PIEZO1: variants seen among roughly 807,000 people sequenced by gnomAD.
The protein encoded by PIEZO1 is piezo-type mechanosensitive ion channel component 1.
Under a neutral mutation model 297.2 loss-of-function variants are expected in PIEZO1, and 296 were observed. The ratio of observed to expected loss-of-function variants is 1.00; its 90% confidence interval spans 0.91 to 1.10. The LOEUF (loss-of-function observed/expected upper bound fraction) is 1.10. Ranked by LOEUF, PIEZO1 falls within the 50% of genes least tolerant of loss-of-function variation. PIEZO1 has a pLI of 0.00. For synonymous variants in PIEZO1, 2,427 were observed against 1,507.5 expected (o/e 1.61, Z -14.13); for missense variants, 5,018 against 3,455.5 (o/e 1.45, Z -11.34).
chr16:88,777,266 C>T (rs572124005), intron 1 of PIEZO1, among the ~76,000 whole-genome samples: 5 of 152,248 alleles, frequency 3.3e-5, no homozygotes, highest in Admixed American at 1.3e-4. Flanking sequence ...CCACCATGCC[C>T]GGAGGACCTG....
intron 1 of PIEZO1, among the ~76,000 whole-genome samples, chr16:88,767,332 CA>C (rs1907223621): frequency 6.6e-6 from 1 of 152,188 alleles, no homozygotes; most frequent in South Asian, 2.1e-4. Flanking sequence ...GGAAGGAGGT[CA>C]GGGGGCTGTG....
intron 1 of PIEZO1, among the ~76,000 whole-genome samples, chr16:88,780,243 C>CCA (rs1369053949): frequency 6.6e-6 from 1 of 152,210 alleles, no homozygotes; most frequent in Non-Finnish European, 1.5e-5. Context: ...CCCTTCCCAC[C>CCA]AGTGTGATCT....
At chr16:88,767,898 C>T (rs1381328816) in intron 1 of PIEZO1, among the ~76,000 whole-genome samples, 1 of 152,208 alleles carries the variant, frequency 6.6e-6, no homozygotes, top group African/African-American at 2.4e-5. Context: ...ACACAACCCC[C>T]AAGCCCTCGC....
rs1351317159 is a variant in PIEZO1 at position 88,721,908 on chromosome 16, G to A, written c.5114C>T (p.Ala1705Val). 2 of 1,550,190 alleles carry A rather than the reference G, an allele frequency of 1.3e-6. No homozygotes were observed. Among genetic ancestry groups the A allele is most frequent in the Non-Finnish European group, 8.7e-7 (1 of 1,146,824 alleles). Residue 1705 changes from alanine (A) to valine (V), a missense_variant, in exon 37 of 51, where the codon GCC becomes GTC. By Grantham distance (64) the Ala-to-Val change is moderately conservative (BLOSUM62 0). Transcript: ENST00000301015. Reference sequence around the variant, plus strand: ...GAGCACGGGCAGCACCAGCGAGCCGGCGGAGGCCGTGACCATGTGGTTGAG... The same window carrying A: ...GAGCACGGGCAGCACCAGCGAGCCGACGGAGGCCGTGACCATGTGGTTGAG... The part of the protein sequence containing the change: ...IILNHMVTAS[A>V]GSLVLPVLVF...
chr16:88,717,265 C>G (rs1430885006), intron 44 of PIEZO1, 54 bp from the exon 45 acceptor site: 2 of 1,463,552 alleles, frequency 1.4e-6, no homozygotes, highest in South Asian at 2.4e-5. Context: ...CTGCGGGTCA[C>G]ACAACCGCAT....
rs141646073 is a variant in PIEZO1 at position 88,780,643 on chromosome 16, A to T, written c.64+4258T>A. Among the ~76,000 whole-genome samples the T allele has an allele frequency of 3.4e-3, 512 of 152,344 alleles. 4 individuals are homozygous for T. The highest frequency in any genetic ancestry group is 0.012 in the African/African-American group (488 of 41,584). Reference sequence around the variant, plus strand: ...ACTTGCTTTTGGAACCAGAAGAAAAAGCTTATATAAACAAAGAAGCAAAAG... The same window carrying T: ...ACTTGCTTTTGGAACCAGAAGAAAATGCTTATATAAACAAAGAAGCAAAAG... On this transcript the variant is annotated intron_variant, in intron 1 of 50. Transcript: ENST00000301015.
At position 88,738,567 on chromosome 16, in the gene PIEZO1, C is replaced by T; in HGVS notation, c.634+1G>A. ...CCAGTGCCCCCTGCCTCGGTGCGTACCTGCCAGTGCAAGCAGTGTTACGGC... is the reference window on the plus strand; with the variant it reads ...CCAGTGCCCCCTGCCTCGGTGCGTATCTGCCAGTGCAAGCAGTGTTACGGC... On this transcript the variant is annotated splice_donor_variant, in intron 6 of 50. Coordinates refer to ENST00000301015, the MANE Select transcript of PIEZO1 (RefSeq NM_001142864.4). LOFTEE classifies it high-confidence loss of function. The T allele has an allele frequency of 6.5e-7, 1 of 1,534,842 alleles. No homozygotes were observed. The highest frequency in any genetic ancestry group is 8.7e-7 in the Non-Finnish European group (1 of 1,146,164).
Position 88,726,430 on chromosome 16 carries a change from C to T in PIEZO1, c.3822G>A (p.Gln1274=). 1 of 1,550,472 alleles carries T rather than the reference C, an allele frequency of 6.4e-7. No individual in the cohort carries two copies. The highest frequency in any genetic ancestry group is 8.7e-7 in the Non-Finnish European group (1 of 1,146,916). ...YDPKEMMDRD[Q]DCLLPVEEAG... is the part of the protein sequence containing the mutation. Reference sequence around the variant, plus strand: ...CCTCCTCCACAGGCAGCAGGCAGTCCTGGTCTCTGTCCATCATCTCCTTGG... The same window carrying T: ...CCTCCTCCACAGGCAGCAGGCAGTCTTGGTCTCTGTCCATCATCTCCTTGG... The change falls in exon 27 of 51, where the codon CAG becomes CAA. Residue 1274 remains glutamine, a synonymous_variant. Transcript: ENST00000301015.
rs1280997892 is a variant in PIEZO1 at position 88,736,332 on chromosome 16, C to G, written c.1373G>C (p.Ser458Thr). ...LWACLIWTVR[S>T]RHQLAMLCSP... ...GCACAGCATGGCCAGTTGGTGGCGG[C>G]TGCGCACCGTCCAGATGAGGCAGGC... The change falls in exon 12 of 51, where the codon AGC becomes ACC. Residue 458 changes from serine (S) to threonine (T), a missense_variant. Ser to Thr is a moderately conservative substitution (Grantham distance 58, BLOSUM62 1). Coordinates refer to ENST00000301015, the MANE Select transcript of PIEZO1 (RefSeq NM_001142864.4). 1 of 1,550,166 alleles carries G rather than the reference C, an allele frequency of 6.5e-7. No individual in the cohort carries two copies. Among genetic ancestry groups the G allele is most frequent in the Admixed American group, 2.0e-5 (1 of 51,006 alleles).
chr16:88,743,748 C>A, intron 2 of PIEZO1: 1 of 421,300 alleles, frequency 2.4e-6, no homozygotes, highest in Non-Finnish European at 4.8e-6. Flanking sequence ...CCCAGGACTC[C>A]CTGTCCGCAC....
chr16:88,734,890 G>A lies in PIEZO1; in HGVS notation c.1833C>T (p.Cys611=), dbSNP rs905893710. The A allele has an allele frequency of 2.6e-6, 4 of 1,550,376 alleles. No homozygotes were observed. The highest frequency in any genetic ancestry group is 3.5e-6 in the Non-Finnish European group (4 of 1,146,950). The part of the protein sequence containing the change: ...KIVYMFLFLL[C]LTLFQVYYSL... ...CCCCAGCCACCTGGAAGAGGGTGAGGCAGAGCAGGAAGAGGAACATGTAGA... is the reference window on the plus strand; with the variant it reads ...CCCCAGCCACCTGGAAGAGGGTGAGACAGAGCAGGAAGAGGAACATGTAGA... The change falls in exon 14 of 51, where the codon TGC becomes TGT. Residue 611 remains cysteine (C), a synonymous_variant. Coordinates refer to ENST00000301015, the MANE Select transcript of PIEZO1 (RefSeq NM_001142864.4).
intron 4 of PIEZO1, 25 bp downstream of exon 4, chr16:88,742,028 T>C: frequency 6.5e-7 from 1 of 1,535,166 alleles, no homozygotes; most frequent in Non-Finnish European, 8.7e-7. Flanking sequence ...GGCTTGCTGG[T>C]TGGGGGTGGG....
chr16:88,779,798 T>C (rs967953482), intron 1 of PIEZO1, among the ~76,000 whole-genome samples: 1 of 152,176 alleles, frequency 6.6e-6, no homozygotes, highest in Non-Finnish European at 1.5e-5. Context: ...CTCAGCTCCA[T>C]GGAGGCCCGA....
chr16:88,747,532 A>G (rs1906127253), intron 2 of PIEZO1, among the ~76,000 whole-genome samples: 1 of 152,176 alleles, frequency 6.6e-6, no homozygotes. Context: ...AATAAATAAA[A>G]AAGACCATTG....
chr16:88,725,398 G>T lies in PIEZO1; in HGVS notation c.4162+18C>A. ...GCTGGACACGGGGCCCTGGGTGCCC[G>T]ACTCCAGCTGCACTCACCTGGCTCC... On this transcript the variant is annotated intron_variant, in intron 29 of 50. Coordinates refer to ENST00000301015, the MANE Select transcript of PIEZO1 (RefSeq NM_001142864.4). 7.2e-7 allele frequency: 1 copy of T among 1,393,644 alleles called. No homozygotes were observed. Among genetic ancestry groups the T allele is most frequent in the Non-Finnish European group, 9.5e-7 (1 of 1,056,864 alleles). The allele number at this position is 1,393,644 out of a possible 1,614,324, so 86.3% of individuals were successfully genotyped here.
At chr16:88,758,897 C>T (rs1030756774) in intron 1 of PIEZO1, among the ~76,000 whole-genome samples, 1 of 152,222 alleles carries the variant, frequency 6.6e-6, no homozygotes, top group African/African-American at 2.4e-5. Flanking sequence ...ATACAAGCCA[C>T]AGAGAGTCAG....
Position 88,784,971 on chromosome 16 carries a change from A to G in PIEZO1, c.-7T>C, listed in dbSNP as rs970558694. On this transcript the variant is annotated 5_prime_UTR_variant, in exon 1 of 51. Transcript: ENST00000301015. Reference sequence around the variant, plus strand: ...CGAGCACGTGCGGCTCCATGGCTGGAGGGCCCAGGGCCCGGCCCAGACCGA... The same window carrying G: ...CGAGCACGTGCGGCTCCATGGCTGGGGGGCCCAGGGCCCGGCCCAGACCGA... 5.2e-6 allele frequency: 7 copies of G among 1,333,780 alleles called. No individual in the cohort carries two copies. The African/African-American group carries it at 1.1e-4, about 20-fold the overall frequency. The allele number at this position is 1,333,780 out of a possible 1,614,324, so 82.6% of individuals were successfully genotyped here.
chr16:88,732,786 C>T (rs1420160584), intron 19 of PIEZO1, 54 bp from the exon 20 acceptor site: 1 of 1,479,812 alleles, frequency 6.8e-7, no homozygotes, highest in Non-Finnish European at 9.1e-7. Context: ...GCCCCCTGGC[C>T]CTGCCCGGAG....
intron 1 of PIEZO1, among the ~76,000 whole-genome samples, chr16:88,779,355 A>G (rs960300117): frequency 1.3e-5 from 2 of 152,088 alleles, no homozygotes; most frequent in Non-Finnish European, 2.9e-5. Context: ...CCCATTTTGG[A>G]CGGCGTCGGG....
Sources: gnomAD v4.1 joint callset for allele counts (sites outside exome capture counted in the v4.1 genomes callset) on GRCh38, gnomAD v4.1.1 for gene constraint, MANE v1.5 for transcripts, NCBI Gene and HGNC (gene_info 2026-07-23, HGNC 2026-07-21) for gene names.